The following CNTNAP2 variants were observed in gnomAD, a reference collection of about 807,000 sequenced individuals.
The protein encoded by CNTNAP2 is contactin associated protein 2.
Under a neutral mutation model 155.2 loss-of-function variants are expected in CNTNAP2, and 98 were observed. The observed-to-expected ratio is 0.63, with a 90% CI of 0.54 to 0.75. The LOEUF (loss-of-function observed/expected upper bound fraction) is 0.75. Among genes scored for constraint, CNTNAP2 ranks in the 30% least tolerant of loss-of-function variants. The pLI, the probability that CNTNAP2 is intolerant of heterozygous loss-of-function variation, is 0.00. For missense variants in CNTNAP2, 1,727 were observed against 1,688.1 expected (o/e 1.02, Z -0.40); for synonymous variants, 651 against 631.2 (o/e 1.03, Z -0.47).
chr7:148,381,760 G>A (rs187819936), intron 21 of CNTNAP2, among the ~76,000 whole-genome samples: 3 of 152,204 alleles, frequency 2.0e-5, no homozygotes, highest in Non-Finnish European at 4.4e-5. Context: ...TTTCTGCCTA[G>A]ATTTTCTCTG....
intron 1 of CNTNAP2, among the ~76,000 whole-genome samples, chr7:146,495,645 G>A (rs1420712592): frequency 6.6e-6 from 1 of 150,552 alleles, no homozygotes; most frequent in Non-Finnish European, 1.5e-5. Context: ...GACGAGAATA[G>A]CATAGGGATA....
intron 1 of CNTNAP2, among the ~76,000 whole-genome samples, chr7:146,362,927 C>A (rs1474642246): frequency 2.0e-5 from 3 of 151,886 alleles, no homozygotes; most frequent in African/African-American, 7.3e-5. Flanking sequence ...TGTGCCACCA[C>A]GCCCAGCTAA....
chr7:147,052,203 A>G (rs1421601094), intron 4 of CNTNAP2, among the ~76,000 whole-genome samples: 1 of 152,140 alleles, frequency 6.6e-6, no homozygotes, highest in Non-Finnish European at 1.5e-5. Context: ...ATCAGATATC[A>G]TATACCATTA....
chr7:146,558,832 C>T lies in CNTNAP2; in HGVS notation c.98-215439C>T, dbSNP rs802010. Among the ~76,000 whole-genome samples, 805 of 152,320 alleles carry T rather than the reference C, an allele frequency of 5.3e-3. 7 individuals are homozygous for T. Among genetic ancestry groups the T allele is most frequent in the African/African-American group, 0.018 (746 of 41,578 alleles). Reference sequence around the variant, plus strand: ...TCTATTAACTACTTCAGATTCATCACCTAAGTGGTACCATGTAGTATTTGT... The same window carrying T: ...TCTATTAACTACTTCAGATTCATCATCTAAGTGGTACCATGTAGTATTTGT... On this transcript the variant is annotated intron_variant, in intron 1 of 23. Transcript: ENST00000361727.
chr7:147,064,775 C>G (rs1309605313), intron 4 of CNTNAP2, among the ~76,000 whole-genome samples: 1 of 152,102 alleles, frequency 6.6e-6, no homozygotes, highest in Non-Finnish European at 1.5e-5. Context: ...TCCAACAAAA[C>G]TATATAAAAC....
At chr7:146,543,508 G>T (rs1160023272) in intron 1 of CNTNAP2, among the ~76,000 whole-genome samples, 1 of 151,802 alleles carries the variant, frequency 6.6e-6, no homozygotes, top group African/African-American at 2.4e-5. Flanking sequence ...TCACACACCA[G>T]AGCGGTTGTT....
intron 18 of CNTNAP2, among the ~76,000 whole-genome samples, chr7:148,201,621 C>G (rs1354237618): frequency 4.6e-5 from 7 of 152,032 alleles, no homozygotes; most frequent in African/African-American, 1.7e-4. Flanking sequence ...GGAGACAAAC[C>G]AGTGAAGCTG....
chr7:147,760,222 A>G (rs1490715483), intron 13 of CNTNAP2, among the ~76,000 whole-genome samples: 1 of 149,056 alleles, frequency 6.7e-6, no homozygotes, highest in East Asian at 1.9e-4. Flanking sequence ...CTTATCTACT[A>G]TGGTAAAATT....
intron 15 of CNTNAP2, among the ~76,000 whole-genome samples, chr7:148,088,392 G>C (rs950077401): frequency 7.3e-5 from 11 of 150,912 alleles, no homozygotes; most frequent in African/African-American, 2.7e-4. Flanking sequence ...TTGGTTTTCT[G>C]GAAAAAAATA....
chr7:146,550,469 G>C (rs1364028139), intron 1 of CNTNAP2, among the ~76,000 whole-genome samples: 1 of 128,664 alleles, frequency 7.8e-6, no homozygotes, highest in African/African-American at 3.1e-5. Context: ...TGGGTGCTTG[G>C]GAAACTCTCC....
At chr7:148,076,215 A>T (rs537882836) in intron 15 of CNTNAP2, among the ~76,000 whole-genome samples, 4 of 152,124 alleles carry the variant, frequency 2.6e-5, no homozygotes, top group Non-Finnish European at 4.4e-5. Context: ...CAGGAGGGTG[A>T]CTTTTTTTCT....
intron 1 of CNTNAP2, among the ~76,000 whole-genome samples, chr7:146,515,259 A>G (rs1228790003): frequency 6.6e-6 from 1 of 152,062 alleles, no homozygotes; most frequent in Non-Finnish European, 1.5e-5. Flanking sequence ...TTGCATTAAG[A>G]CAAGAATTAA....
intron 1 of CNTNAP2, among the ~76,000 whole-genome samples, chr7:146,683,296 G>T (rs1180991698): frequency 3.3e-5 from 5 of 152,130 alleles, no homozygotes; most frequent in Admixed American, 1.3e-4. Flanking sequence ...GTCTCCCAAA[G>T]TGCTGGGATT....
intron 11 of CNTNAP2, among the ~76,000 whole-genome samples, chr7:147,522,562 A>G (rs1232827266): frequency 1.3e-5 from 2 of 152,162 alleles, no homozygotes. Context: ...GGAGCATATT[A>G]GAATTAAGCA....
At chr7:146,990,444 C>A (rs1002260711) in intron 3 of CNTNAP2, among the ~76,000 whole-genome samples, 1 of 152,002 alleles carries the variant, frequency 6.6e-6, no homozygotes, top group Admixed American at 6.6e-5. Context: ...GTTCCTTTAA[C>A]CTTCTTTCTC....
intron 1 of CNTNAP2, among the ~76,000 whole-genome samples, chr7:146,686,779 G>A (rs1043343366): frequency 1.3e-5 from 2 of 152,056 alleles, no homozygotes; most frequent in African/African-American, 4.8e-5. Context: ...TTTTATAATG[G>A]CATATACAAT....
intron 15 of CNTNAP2, among the ~76,000 whole-genome samples, chr7:148,085,275 T>C (rs1803701949): frequency 6.6e-6 from 1 of 152,220 alleles, no homozygotes; most frequent in Non-Finnish European, 1.5e-5. Flanking sequence ...CTAGGGCTAT[T>C]ATATAAAGCT....
chr7:147,005,598 A>T (rs1798510836), intron 3 of CNTNAP2, among the ~76,000 whole-genome samples: 1 of 152,088 alleles, frequency 6.6e-6, no homozygotes, highest in African/African-American at 2.4e-5. Flanking sequence ...AGAAAGAAGG[A>T]TATGGGCCAG....
chr7:147,828,092 A>C (rs1798489040), intron 13 of CNTNAP2, among the ~76,000 whole-genome samples: 1 of 152,196 alleles, frequency 6.6e-6, no homozygotes, highest in African/African-American at 2.4e-5. Flanking sequence ...GAAACTAGAA[A>C]AAAGGGGGAA....
Sources: gnomAD v4.1 joint callset for allele counts (sites outside exome capture counted in the v4.1 genomes callset) on GRCh38, gnomAD v4.1.1 for gene constraint, MANE v1.5 for transcripts, NCBI Gene and HGNC (gene_info 2026-07-23, HGNC 2026-07-21) for gene names.